Variants in SPG21 observed in about 807,000 individuals in gnomAD.
SPG21 encodes maspardin.
In SPG21, 26 loss-of-function variants were observed where a neutral mutation model predicts 38.9. That is an observed-to-expected ratio of 0.67 (90% CI 0.49 to 0.93). SPG21 has a LOEUF of 0.93. Among genes scored for constraint, SPG21 ranks in the 40% least tolerant of loss-of-function variants. The probability of loss-of-function intolerance (pLI) is 0.00; values close to 1 mark genes in which losing one functional copy is unlikely to be tolerated. For synonymous variants in SPG21, 136 were observed against 128.9 expected (o/e 1.05, Z -0.37); for missense variants, 333 against 376.5 (o/e 0.88, Z 0.96).
chr15:64,970,748 T>C (rs2085645438), intron 5 of SPG21, among the ~76,000 whole-genome samples: 1 of 152,184 alleles, frequency 6.6e-6, no homozygotes. Flanking sequence ...ATTATTGTTA[T>C]TATTTTTTGA....
chr15:64,986,376 AC>A (rs1231146998), intron 1 of SPG21, among the ~76,000 whole-genome samples: 1 of 148,806 alleles, frequency 6.7e-6, no homozygotes, highest in Non-Finnish European at 1.5e-5. Context: ...AAAAAAACAA[AC>A]AAAAAAATTA....
chr15:64,972,337 T>G (rs913544679), intron 5 of SPG21, among the ~76,000 whole-genome samples: 6 of 152,212 alleles, frequency 3.9e-5, no homozygotes, highest in African/African-American at 1.4e-4. Flanking sequence ...CTCAGATATT[T>G]GACAATAAGC....
chr15:64,986,641 C>CTGCA (rs2085998025), intron 1 of SPG21, among the ~76,000 whole-genome samples: 1 of 151,922 alleles, frequency 6.6e-6, no homozygotes, highest in Non-Finnish European at 1.5e-5. Flanking sequence ...TGAGCCAAGA[C>CTGCA]TGCACTCCAG....
Position 64,963,907 on chromosome 15 carries a change from C to T in SPG21, c.811-171G>A, listed in dbSNP as rs543381210. Among the ~76,000 whole-genome samples the T allele has an allele frequency of 5.9e-5, 9 of 152,236 alleles. No homozygotes were observed. The South Asian group carries it at 1.9e-3, about 32-fold the overall frequency. On this transcript the variant is annotated intron_variant, in intron 8 of 8. Coordinates refer to ENST00000204566, the MANE Select transcript of SPG21 (RefSeq NM_016630.7). ...GAGTAGCTGGGATTACAGGTGCCCG[C>T]CACCATGCCCAGCTAATTTTTGTAT... is the stretch of plus-strand genomic sequence containing the variant.
intron 5 of SPG21, among the ~76,000 whole-genome samples, chr15:64,971,247 G>T (rs2085654511): frequency 6.6e-6 from 1 of 151,814 alleles, no homozygotes; most frequent in Non-Finnish European, 1.5e-5. Context: ...TTACTGAGCT[G>T]GGGGAGCCGG....
At position 64,980,887 on chromosome 15, in the gene SPG21, C is replaced by T; in HGVS notation, c.202G>A (p.Gly68Arg). Residue 68 changes from glycine (G) to arginine (R), a missense_variant, in exon 3 of 9, where the codon GGA (glycine) becomes AGA (arginine). By Grantham distance (125) the Gly-to-Arg change is moderately radical. Coordinates refer to ENST00000204566, the MANE Select transcript of SPG21 (RefSeq NM_016630.7). ...ACAGCGATAACCCGGTAACCCCATC[C>T]AGTCAGAGCCAAAATCTGCCGGAAA... The part of the protein sequence containing the change: ...VFFRQILALT[G>R]WGYRVIALQY... 1 of 1,613,758 alleles carries T rather than the reference C, an allele frequency of 6.2e-7. No individual in the cohort carries two copies. Among genetic ancestry groups the T allele is most frequent in the Non-Finnish European group, 8.5e-7 (1 of 1,179,966 alleles).
Position 64,963,577 on chromosome 15 carries a change from A to G in SPG21, c.*43T>C. 1 of 1,548,670 alleles carries G rather than the reference A, an allele frequency of 6.5e-7. No individual in the cohort carries two copies. The highest frequency in any genetic ancestry group is 8.9e-7 in the Non-Finnish European group (1 of 1,122,096). ...CGGGTGCTGATGCCACTGACTATAC[A>G]AGAACACACCGGGTCAACTCATCAT... On this transcript the variant is annotated 3_prime_UTR_variant, in exon 9 of 9. Coordinates refer to ENST00000204566, the MANE Select transcript of SPG21 (RefSeq NM_016630.7).
Position 64,963,673 on chromosome 15 carries a change from C to T in SPG21, c.874G>A (p.Glu292Lys), listed in dbSNP as rs760525428. The change falls in exon 9 of 9, where the codon GAG becomes AAG. Residue 292 changes from glutamate (E) to lysine (K), a missense_variant. Glu to Lys is a moderately conservative substitution (Grantham distance 56). Transcript: ENST00000204566. ...CTGCCTTTCTGCACCTCAAGCTCCT[C>T]GGCACTGACCATTGATGGGTCAATG... ...AAIDPSMVSA[E>K]ELEVQKGSLG... 6 of 1,614,182 alleles carry T rather than the reference C, an allele frequency of 3.7e-6. No individual in the cohort carries two copies. Among genetic ancestry groups the T allele is most frequent in the Admixed American group, 3.3e-5 (2 of 60,022 alleles).
chr15:64,965,201 C>G, intron 8 of SPG21, 119 bp downstream of exon 8: 1 of 1,373,138 alleles, frequency 7.3e-7, no homozygotes, highest in East Asian at 2.3e-5. Context: ...AAGTCAATGC[C>G]TCATTTCTAC....
chr15:64,974,677 G>C lies in SPG21; in HGVS notation c.377C>G (p.Pro126Arg), dbSNP rs1183583720. 1 of 1,614,156 alleles carries C rather than the reference G, an allele frequency of 6.2e-7. No individual in the cohort carries two copies. The highest frequency in any genetic ancestry group is 2.2e-5 in the East Asian group (1 of 44,874). Residue 126 changes from proline to arginine, a missense_variant, in exon 5 of 9, where the codon CCT becomes CGT. Coordinates refer to ENST00000204566, the MANE Select transcript of SPG21 (RefSeq NM_016630.7). ...QKFAEYTHKSPRVHSLILCNS... is the reference protein window; with the variant it reads ...QKFAEYTHKSRRVHSLILCNS... ...GCAGAGGATTAGGGAATGGACTCTAGGAGATTTGTGAGTGTATTCAGCAAA... is the reference window on the plus strand; with the variant it reads ...GCAGAGGATTAGGGAATGGACTCTACGAGATTTGTGAGTGTATTCAGCAAA...
chr15:64,968,517 G>A (rs763805817), intron 7 of SPG21, among the ~76,000 whole-genome samples: 2 of 152,042 alleles, frequency 1.3e-5, no homozygotes, highest in African/African-American at 2.4e-5. Context: ...AAATAAAACC[G>A]TTGATTATCA....
intron 6 of SPG21, 53 bp downstream of exon 6, chr15:64,970,061 G>T (rs1281405078): frequency 7.3e-6 from 10 of 1,366,308 alleles, no homozygotes; most frequent in Admixed American, 1.7e-5. Context: ...GAACCAAGTA[G>T]ATGTGAAAAT....
intron 1 of SPG21, among the ~76,000 whole-genome samples, chr15:64,986,679 C>G (rs2085998611): frequency 1.3e-5 from 1 of 76,522 alleles, no homozygotes; most frequent in South Asian, 5.8e-4. Context: ...GAGTCTGTCT[C>G]AAAAACAAAA....
chr15:64,971,406 G>A (rs1032150207), intron 5 of SPG21, among the ~76,000 whole-genome samples: 1 of 151,980 alleles, frequency 6.6e-6, no homozygotes, highest in Non-Finnish European at 1.5e-5. Flanking sequence ...GGGCTTGGTG[G>A]CGGGCGCCTG....
chr15:64,983,453 C>T (rs1287239639), intron 2 of SPG21, 54 bp downstream of exon 2: 2 of 1,265,216 alleles, frequency 1.6e-6, no homozygotes, highest in African/African-American at 1.5e-5. Flanking sequence ...CTAAATCACA[C>T]ACAAAAACAA....
At chr15:64,985,367 G>A (rs4128936) in intron 1 of SPG21, among the ~76,000 whole-genome samples, 62,699 of 151,976 alleles carry the variant, frequency 0.41, 13,448 homozygotes, top group South Asian at 0.62. Context: ...TCTGTTGATT[G>A]AACGAATAAC....
chr15:64,976,366 G>C, intron 4 of SPG21, 109 bp downstream of exon 4: 1 of 714,438 alleles, frequency 1.4e-6, no homozygotes, highest in East Asian at 3.0e-5. Flanking sequence ...TGGAGGTTGC[G>C]GTGAGCCGAG....
intron 2 of SPG21, chr15:64,983,173 T>C: frequency 3.8e-6 from 1 of 266,524 alleles, no homozygotes; most frequent in Non-Finnish European, 8.0e-6. Context: ...CAGGAGAATC[T>C]CTTGAACCTG....
At chr15:64,983,248 C>A in intron 2 of SPG21, 1 of 187,648 alleles carries the variant, frequency 5.3e-6, no homozygotes, top group Non-Finnish European at 1.1e-5. Flanking sequence ...GACGGCAGAG[C>A]GAGACTCCAT....
Sources: allele counts gnomAD v4.1 joint callset (sites outside exome capture counted in the v4.1 genomes callset), GRCh38; gene constraint gnomAD v4.1.1; transcripts MANE v1.5; gene names NCBI Gene and HGNC (gene_info 2026-07-23, HGNC 2026-07-21).